NRXN3: variants seen among roughly 807,000 people sequenced by gnomAD.
NRXN3 encodes neurexin 3, also known as neurexin III.
In NRXN3, 32 loss-of-function variants were observed where a neutral mutation model predicts 137.6. The ratio of observed to expected loss-of-function variants is 0.23; its 90% CI spans 0.18 to 0.31. The LOEUF (loss-of-function observed/expected upper bound fraction) is 0.31. Ranked by LOEUF, NRXN3 falls within the 10% of genes least tolerant of loss-of-function variation. The pLI, the probability that NRXN3 is intolerant of heterozygous loss-of-function variation, is 1.00. For synonymous variants in NRXN3, 798 were observed against 784.5 expected (o/e 1.02, Z -0.29); for missense variants, 1,574 against 2,062.5 (o/e 0.76, Z 4.59).
intron 16 of NRXN3, among the ~76,000 whole-genome samples, chr14:79,558,160 A>G (rs1378095558): frequency 6.6e-6 from 1 of 151,938 alleles, no homozygotes; most frequent in Non-Finnish European, 1.5e-5. Flanking sequence ...TCCTTCCCCC[A>G]CTGAAGCCTT....
At chr14:78,973,809 T>C (rs567369487) in intron 14 of NRXN3, among the ~76,000 whole-genome samples, 1 of 152,312 alleles carries the variant, frequency 6.6e-6, no homozygotes, top group South Asian at 2.1e-4. Context: ...CCTCATGACC[T>C]CTGCTGAGTT....
intron 15 of NRXN3, among the ~76,000 whole-genome samples, chr14:79,052,062 A>G (rs915408032): frequency 2.0e-5 from 3 of 152,212 alleles, no homozygotes; most frequent in Middle Eastern, 3.2e-3. Context: ...TTAACATTTC[A>G]TAAGACAGCA....
At chr14:78,653,832 A>T (rs1161769933) in intron 6 of NRXN3, among the ~76,000 whole-genome samples, 1 of 152,206 alleles carries the variant, frequency 6.6e-6, no homozygotes, top group African/African-American at 2.4e-5. Context: ...GTTCTGAAAA[A>T]CAGTGTCAAT....
At chr14:79,405,957 A>G (rs111343801) in intron 15 of NRXN3, among the ~76,000 whole-genome samples, 4,356 of 152,280 alleles carry the variant, frequency 0.029, 127 homozygotes, top group Middle Eastern at 0.075. Context: ...TTCAACAAGT[A>G]TTTAATGAAT....
chr14:78,461,638 T>C (rs1199846429), intron 4 of NRXN3, among the ~76,000 whole-genome samples: 1 of 152,176 alleles, frequency 6.6e-6, no homozygotes, highest in African/African-American at 2.4e-5. Flanking sequence ...AGAGCCCTGA[T>C]GTAAGTAGAG....
chr14:78,656,459 C>T (rs1032459213), intron 6 of NRXN3, among the ~76,000 whole-genome samples: 2 of 152,106 alleles, frequency 1.3e-5, no homozygotes, highest in Admixed American at 1.3e-4. Flanking sequence ...GGGTGAAGAA[C>T]TTACAAACAG....
At chr14:79,815,660 T>C (rs2099249510) in intron 20 of NRXN3, among the ~76,000 whole-genome samples, 1 of 152,154 alleles carries the variant, frequency 6.6e-6, no homozygotes, top group Admixed American at 6.6e-5. Flanking sequence ...TGCTGATAAA[T>C]ATTTTAAAAC....
chr14:79,826,608 A>G (rs76290978), intron 20 of NRXN3, among the ~76,000 whole-genome samples: 4,287 of 152,330 alleles, frequency 0.028, 188 homozygotes, highest in African/African-American at 0.099. Context: ...AAATCAGAGT[A>G]CAGTGATCAA....
intron 19 of NRXN3, among the ~76,000 whole-genome samples, chr14:79,779,831 T>C (rs118064966): frequency 0.011 from 1,634 of 152,334 alleles, 14 homozygotes; most frequent in Non-Finnish European, 0.017. Context: ...CCATGTTCAA[T>C]GGGCATTCAT....
intron 4 of NRXN3, among the ~76,000 whole-genome samples, chr14:78,640,139 C>T (rs1370511793): frequency 6.6e-6 from 1 of 152,138 alleles, no homozygotes; most frequent in African/African-American, 2.4e-5. Context: ...GCTTGCTGTG[C>T]CTCTGCCTCT....
intron 15 of NRXN3, among the ~76,000 whole-genome samples, chr14:79,358,607 G>GAAAGAGAAAGAAAGAAAGAAAGAAAGAA (rs10667477): frequency 3.8e-4 from 30 of 79,956 alleles, no homozygotes; most frequent in South Asian, 6.6e-4. Context: ...AAGAAAGAAA[G>GAAAGAGAAAGAAAGAAAGAAAGAAAGAA]AGAAAGAAAG....
chr14:78,943,610 TAAA>T (rs754141401), intron 10 of NRXN3, among the ~76,000 whole-genome samples: 1,126 of 28,440 alleles, frequency 0.04, 35 homozygotes, highest in African/African-American at 0.12. Context: ...AGATCACTGT[TAAA>T]AAAAAAAAAT....
chr14:78,448,032 ATCT>A (rs1313482115), intron 4 of NRXN3, among the ~76,000 whole-genome samples: 1 of 151,892 alleles, frequency 6.6e-6, no homozygotes, highest in Non-Finnish European at 1.5e-5. Context: ...TACTGGGTGT[ATCT>A]TCTTCATCTC....
At chr14:79,062,757 A>T (rs1167884836) in intron 15 of NRXN3, among the ~76,000 whole-genome samples, 1 of 152,214 alleles carries the variant, frequency 6.6e-6, no homozygotes, top group Non-Finnish European at 1.5e-5. Context: ...GAGTAATCAA[A>T]GGGTTTGTAA....
At chr14:79,016,218 A>G (rs1306465273) in intron 15 of NRXN3, among the ~76,000 whole-genome samples, 1 of 152,130 alleles carries the variant, frequency 6.6e-6, no homozygotes, top group Non-Finnish European at 1.5e-5. Flanking sequence ...CTAAGTCCAC[A>G]AGGTTCACTT....
intron 16 of NRXN3, among the ~76,000 whole-genome samples, chr14:79,603,932 G>C (rs1288986894): frequency 1.3e-5 from 2 of 152,138 alleles, no homozygotes; most frequent in Admixed American, 6.5e-5. Context: ...CTGTCACCCA[G>C]GCTGGAATGC....
intron 10 of NRXN3, among the ~76,000 whole-genome samples, chr14:78,868,514 C>G (rs777478859): frequency 1.3e-5 from 2 of 151,962 alleles, no homozygotes; most frequent in Non-Finnish European, 2.9e-5. Flanking sequence ...TCCATCAAAG[C>G]CACAATATTT....
At chr14:78,523,877 C>CTACTCAA (rs2096332022) in intron 4 of NRXN3, among the ~76,000 whole-genome samples, 1 of 143,148 alleles carries the variant, frequency 7.0e-6, no homozygotes, top group Non-Finnish European at 1.5e-5. Context: ...ATAGTTCAGA[C>CTACTCAA]TACTCAAGTC....
At chr14:78,988,170 C>A (rs1390017377) in intron 15 of NRXN3, 29 bp downstream of exon 15, 1 of 1,613,010 alleles carries the variant, frequency 6.2e-7, no homozygotes, top group Non-Finnish European at 8.5e-7. Flanking sequence ...CATACTGGAA[C>A]TTTGTGAAGA....
Sources: gnomAD v4.1 joint callset for allele counts (sites outside exome capture counted in the v4.1 genomes callset) on GRCh38, gnomAD v4.1.1 for gene constraint, MANE v1.5 for transcripts, NCBI Gene and HGNC (gene_info 2026-07-23, HGNC 2026-07-21) for gene names.